The following ADAP2 variants were observed in gnomAD, a reference collection of about 807,000 sequenced individuals.
ADAP2 encodes ArfGAP with dual PH domains 2.
ADAP2 carries 42 observed loss-of-function variants against 54.9 expected under a neutral mutation model. That is an observed-to-expected ratio of 0.77 (90% confidence interval 0.60 to 0.99). The LOEUF is 0.99. Among genes scored for constraint, ADAP2 ranks in the 50% least tolerant of loss-of-function variants. The pLI, the probability that ADAP2 is intolerant of heterozygous loss-of-function variation, is 0.00. For synonymous variants in ADAP2, 177 were observed against 180.1 expected (o/e 0.98, Z 0.14); for missense variants, 429 against 480.4 (o/e 0.89, Z 1.00).
intron 3 of ADAP2, among the ~76,000 whole-genome samples, chr17:30,931,676 C>A (rs910023123): frequency 6.6e-6 from 1 of 151,872 alleles, no homozygotes; most frequent in African/African-American, 2.4e-5. Flanking sequence ...TAAAAATTAG[C>A]CAGGTGTGGT....
At chr17:30,936,291 A>G (rs7210261) in intron 5 of ADAP2, among the ~76,000 whole-genome samples, 2,972 of 152,200 alleles carry the variant, frequency 0.02, 77 homozygotes, top group African/African-American at 0.065. Context: ...AAGCACTGGG[A>G]TTGCAGATGC....
At chr17:30,922,892 C>A in intron 1 of ADAP2, 48 bp from the exon 2 acceptor site, 9 of 1,599,784 alleles carry the variant, frequency 5.6e-6, no homozygotes, top group Non-Finnish European at 7.7e-6. Flanking sequence ...GCCCTGGTTT[C>A]TTCACCGCGC....
chr17:30,942,017 T>C (rs1359286909), intron 5 of ADAP2, among the ~76,000 whole-genome samples: 1 of 152,090 alleles, frequency 6.6e-6, no homozygotes, highest in East Asian at 1.9e-4. Context: ...GCGATTCTCC[T>C]TCCTCACCCT....
intron 2 of ADAP2, 117 bp from the exon 3 acceptor site, chr17:30,926,710 G>T: frequency 1.2e-6 from 1 of 839,370 alleles, no homozygotes; most frequent in Non-Finnish European, 2.0e-6. Flanking sequence ...CAAGCCCGGT[G>T]GGACATCTCC....
Position 30,939,676 on chromosome 17 carries a change from CAGG to C in ADAP2, c.511-5228_511-5226del, listed in dbSNP as rs202007612. On this transcript the variant is annotated intron_variant, in intron 5 of 10. Transcript: ENST00000330889. Reference sequence around the variant, plus strand: ...GTCGCAGATACTCAGGAGGCTGAGGCAGGAGAATGGCCCGAACCTGGGAGGCGG... The same window carrying C: ...GTCGCAGATACTCAGGAGGCTGAGGCAGAATGGCCCGAACCTGGGAGGCGG... 5.6e-3 allele frequency among the ~76,000 whole-genome samples: 840 copies of C among 149,470 alleles called. 11 individuals are homozygous for C. Among genetic ancestry groups the C allele is most frequent in the African/African-American group, 0.02 (810 of 40,642 alleles).
At position 30,932,446 on chromosome 17, in the gene ADAP2, G is replaced by A. The variant is rs1156301064; in HGVS notation, c.397+478G>A. On this transcript the variant is annotated intron_variant, in intron 4 of 10. Transcript: ENST00000330889. ...TATTTTTATTTTTTGTAGAGATGGG[G>A]TTTCACCATGTTGCCCAGGCTGGTC... Among the ~76,000 whole-genome samples the A allele has an allele frequency of 4.0e-5, 6 of 151,750 alleles. No homozygotes were observed. In the East Asian group the frequency reaches 1.2e-3, roughly 29 times the overall value.
Position 30,931,873 on chromosome 17 carries a change from G to A in ADAP2, c.318-16G>A, listed in dbSNP as rs200411476. On this transcript the variant is annotated splice_polypyrimidine_tract_variant and intron_variant, in intron 3 of 10. Transcript: ENST00000330889. The stretch of plus-strand genomic sequence containing the variant: ...AATGCATCAAACGCAGCTGACCTCA[G>A]GCTCTCTCTTTTTAGGGTCTTAAAG... 580 of 1,599,446 alleles carry A rather than the reference G, an allele frequency of 3.6e-4. No homozygotes were observed. The highest frequency in any genetic ancestry group is 4.7e-4 in the Non-Finnish European group (556 of 1,172,168).
intron 10 of ADAP2, chr17:30,956,820 G>A: frequency 3.8e-6 from 1 of 260,078 alleles, no homozygotes; most frequent in Non-Finnish European, 7.5e-6. Context: ...GTGAGAAAAC[G>A]CTGGCCTGTT....
In ADAP2 at chr17:30,941,408, C is replaced by T. The variant is rs78819136; in HGVS notation, c.511-3499C>T. On this transcript the variant is annotated intron_variant, in intron 5 of 10. Coordinates refer to ENST00000330889, the MANE Select transcript of ADAP2 (RefSeq NM_018404.3). ...TGCTAATTTTGTTGGGGATTTGTCC[C>T]CGTAAACTTTTCTGAAAGCACCAGT... Among the ~76,000 whole-genome samples the T allele has an allele frequency of 4.6e-5, 7 of 152,304 alleles. No individual in the cohort carries two copies. The East Asian group carries it at 1.3e-3, about 29-fold the overall frequency.
rs1261551676 is a variant in ADAP2, at chr17:30,949,315, G to A, written c.686G>A (p.Arg229His). The A allele has an allele frequency of 7.4e-6, 12 of 1,613,846 alleles. No homozygotes were observed. Among genetic ancestry groups the A allele is most frequent in the South Asian group, 1.1e-5 (1 of 91,080 alleles). The part of the protein sequence containing the change: ...KEIVDWFNAL[R>H]AARLQYLKMA... ...ATAGTGGACTGGTTCAATGCCCTCC[G>A]TGCAGCCCGTCTGCAGTACCTAAAA... Residue 229 changes from arginine to histidine, a missense_variant, in exon 7 of 11, where the codon CGT (arginine) becomes CAT (histidine). Arg to His is a conservative substitution (Grantham distance 29). Transcript: ENST00000330889.
At chr17:30,943,243 T>C (rs1256873923) in intron 5 of ADAP2, among the ~76,000 whole-genome samples, 1 of 151,978 alleles carries the variant, frequency 6.6e-6, no homozygotes, top group Non-Finnish European at 1.5e-5. Flanking sequence ...CGTATCCCTG[T>C]AATCCCAGCA....
intron 2 of ADAP2, among the ~76,000 whole-genome samples, chr17:30,925,023 C>T (rs1910925993): frequency 6.6e-6 from 1 of 151,582 alleles, no homozygotes; most frequent in Non-Finnish European, 1.5e-5. Flanking sequence ...CAGGCATGCA[C>T]CACCATGCTC....
intron 2 of ADAP2, among the ~76,000 whole-genome samples, chr17:30,925,486 C>A (rs1910971166): frequency 6.6e-6 from 1 of 151,836 alleles, no homozygotes; most frequent in Non-Finnish European, 1.5e-5. Flanking sequence ...CTACAGCGCC[C>A]AATCCTCTGT....
intron 3 of ADAP2, among the ~76,000 whole-genome samples, chr17:30,930,045 C>CTTATTTATTTATTTAT (rs35101958): frequency 4.3e-5 from 6 of 140,330 alleles, no homozygotes; most frequent in Non-Finnish European, 6.2e-5. Context: ...CGACAGAAAC[C>CTTATTTATTTATTTAT]TTATTTATTT....
Position 30,931,877 on chromosome 17 carries a change from C to G in ADAP2, c.318-12C>G. ...CATCAAACGCAGCTGACCTCAGGCT[C>G]TCTCTTTTTAGGGTCTTAAAGGAAC... On this transcript the variant is annotated splice_polypyrimidine_tract_variant and intron_variant, in intron 3 of 10. Coordinates refer to ENST00000330889, the MANE Select transcript of ADAP2 (RefSeq NM_018404.3). 1 of 1,601,736 alleles carries G rather than the reference C, an allele frequency of 6.2e-7. No homozygotes were observed. Among genetic ancestry groups the G allele is most frequent in the South Asian group, 1.1e-5 (1 of 90,300 alleles).
At chr17:30,942,129 C>T (rs944655572) in intron 5 of ADAP2, among the ~76,000 whole-genome samples, 1 of 152,154 alleles carries the variant, frequency 6.6e-6, no homozygotes, top group African/African-American at 2.4e-5. Context: ...TGGTCTCGAT[C>T]TCTCAACCTC....
chr17:30,951,149 T>C (rs1361487208), intron 7 of ADAP2, among the ~76,000 whole-genome samples: 1 of 152,162 alleles, frequency 6.6e-6, no homozygotes, highest in Non-Finnish European at 1.5e-5. Flanking sequence ...TATGGTCTCT[T>C]GGACTTCAGA....
chr17:30,948,598 T>G (rs1904349430), intron 6 of ADAP2, among the ~76,000 whole-genome samples: 1 of 151,798 alleles, frequency 6.6e-6, no homozygotes, highest in South Asian at 2.1e-4. Flanking sequence ...GGAAAATCAC[T>G]CAGGCTGCCA....
chr17:30,922,256 G>A (rs1469332126), intron 1 of ADAP2, 148 bp downstream of exon 1: 3 of 398,266 alleles, frequency 7.5e-6, no homozygotes, highest in South Asian at 1.5e-4. Context: ...CACCCACACC[G>A]TGAACCTCTC....
Sources: gnomAD v4.1 joint callset for allele counts (sites outside exome capture counted in the v4.1 genomes callset) on GRCh38, gnomAD v4.1.1 for gene constraint, MANE v1.5 for transcripts, NCBI Gene and HGNC (gene_info 2026-07-23, HGNC 2026-07-21) for gene names.